Variants in BMP7 observed in about 807,000 individuals in gnomAD.
The protein encoded by BMP7 is osteogenic protein 1.
Under a neutral mutation model 41.2 loss-of-function variants are expected in BMP7, and 12 were observed. The observed-to-expected ratio is 0.29, with a 90% CI of 0.19 to 0.47. The LOEUF (loss-of-function observed/expected upper bound fraction) is 0.47. BMP7 is among the 20% of genes least tolerant of loss of function. The pLI is 0.99. For missense variants in BMP7, 467 were observed against 606.0 expected (o/e 0.77, Z 2.41); for synonymous variants, 248 against 250.0 (o/e 0.99, Z 0.07).
intron 1 of BMP7, among the ~76,000 whole-genome samples, chr20:57,234,074 T>TC (rs759907824): frequency 2.0e-5 from 3 of 152,050 alleles, no homozygotes; most frequent in African/African-American, 4.8e-5. Flanking sequence ...CTTGCCCATG[T>TC]CCCCCCACCC....
chr20:57,208,081 G>A (rs1382584708), intron 2 of BMP7, among the ~76,000 whole-genome samples: 1 of 151,468 alleles, frequency 6.6e-6, no homozygotes, highest in Admixed American at 6.6e-5. Context: ...CACCCGCCTC[G>A]GCCTCCCAAA....
Position 57,265,800 on chromosome 20 carries a change from T to C in BMP7, c.323A>G (p.Lys108Arg). 1 of 1,609,284 alleles carries C rather than the reference T, an allele frequency of 6.2e-7. No homozygotes were observed. The change falls in exon 1 of 7, where the codon AAG (lysine) becomes AGG (arginine). Residue 108 changes from lysine to arginine, a missense_variant. Around this residue, in one of 2 missense-constraint regions of BMP7, gnomAD observed 407 missense variants for 485.9 expected, o/e 0.84. Transcript: ENST00000395863. The part of the protein sequence containing the change: ...PGGQGFSYPY[K>R]AVFSTQGPPL... ...GGGGCCCTGGGTACTGAAGACGGCC[T>C]TGTAGGGGTAGGAGAAGCCCTGGCC...
intron 1 of BMP7, among the ~76,000 whole-genome samples, chr20:57,254,181 C>A (rs2066125217): frequency 6.6e-6 from 1 of 151,836 alleles, no homozygotes. Context: ...TACCACCACA[C>A]CCCACTAATT....
intron 3 of BMP7, among the ~76,000 whole-genome samples, chr20:57,199,148 C>T (rs888885885): frequency 6.6e-6 from 1 of 152,176 alleles, no homozygotes; most frequent in African/African-American, 2.4e-5. Context: ...CAGCTCGGGG[C>T]CAGGCACAAA....
chr20:57,222,528 C>T (rs1160002611), intron 2 of BMP7, among the ~76,000 whole-genome samples: 4 of 152,070 alleles, frequency 2.6e-5, no homozygotes, highest in Non-Finnish European at 5.9e-5. Context: ...CTGCCACTCC[C>T]TCTCAGGCAG....
Position 57,259,866 on chromosome 20 carries a change from C to A in BMP7, c.418+5839G>T, listed in dbSNP as rs900457376. Reference sequence around the variant, plus strand: ...TTGAGTTTGAGCAATTTTTTTTTTGCCGGGGAAGCTTAAATGAACTATCTG... The same window carrying A: ...TTGAGTTTGAGCAATTTTTTTTTTGACGGGGAAGCTTAAATGAACTATCTG... On this transcript the variant is annotated intron_variant, in intron 1 of 6. Transcript: ENST00000395863. This position sits in a 1 kb window ranked among gnomAD's most constrained non-coding sequence, Gnocchi z 4.7. 6.6e-6 allele frequency among the ~76,000 whole-genome samples: 1 copy of A among 151,710 alleles called. No homozygotes were observed. Among genetic ancestry groups the A allele is most frequent in the African/African-American group, 2.4e-5 (1 of 41,336 alleles).
At chr20:57,227,874 G>A (rs1413558918) in intron 2 of BMP7, among the ~76,000 whole-genome samples, 3 of 151,886 alleles carry the variant, frequency 2.0e-5, no homozygotes, top group African/African-American at 7.3e-5. Context: ...GCCTGACATC[G>A]TGCACTGGGT....
intron 2 of BMP7, among the ~76,000 whole-genome samples, chr20:57,219,357 T>C (rs1036210283): frequency 2.6e-5 from 4 of 151,234 alleles, no homozygotes; most frequent in Admixed American, 1.3e-4. Context: ...CACTTAAGTA[T>C]GTTCAACTTC....
chr20:57,211,091 C>T (rs932509561), intron 2 of BMP7, among the ~76,000 whole-genome samples: 1 of 152,256 alleles, frequency 6.6e-6, no homozygotes, highest in African/African-American at 2.4e-5. Context: ...AATCACCCGG[C>T]TGGTGGCCGG....
intron 1 of BMP7, among the ~76,000 whole-genome samples, chr20:57,256,845 G>A (rs565624966): frequency 4.0e-5 from 6 of 151,824 alleles, no homozygotes; most frequent in South Asian, 4.2e-4. Flanking sequence ...CCAAGATCGC[G>A]CCACTGCACT....
At chr20:57,257,960 A>C (rs186359983) in intron 1 of BMP7, among the ~76,000 whole-genome samples, 1 of 152,172 alleles carries the variant, frequency 6.6e-6, no homozygotes, top group Admixed American at 6.5e-5. Flanking sequence ...TCCAAGCTAC[A>C]TGAAAGCAGA....
chr20:57,211,364 G>A (rs8183829), intron 2 of BMP7, among the ~76,000 whole-genome samples: 7,145 of 152,260 alleles, frequency 0.047, 298 homozygotes, highest in East Asian at 0.2. Flanking sequence ...ATCTCCAGGA[G>A]CCCCACCCAA....
intron 2 of BMP7, among the ~76,000 whole-genome samples, chr20:57,222,828 AACTCCAGAG>A (rs556116830): frequency 0.11 from 13,674 of 123,466 alleles, 1,945 homozygotes; most frequent in African/African-American, 0.36. Context: ...AGCAGCAAGA[AACTCCAGAG>A]GCTTCTGGAA....
chr20:57,251,211 G>A (rs1226715259), intron 1 of BMP7, among the ~76,000 whole-genome samples: 2 of 152,146 alleles, frequency 1.3e-5, no homozygotes, highest in African/African-American at 4.8e-5. Context: ...CCCCACATGG[G>A]ATCTTCACAG....
rs778842133 is a variant in BMP7, at chr20:57,183,960, G to A, written c.761-41C>T. On this transcript the variant is annotated intron_variant, in intron 3 of 6. Coordinates refer to ENST00000395863, the MANE Select transcript of BMP7 (RefSeq NM_001719.3). ...CCAAGTGCACAGAAGAGTAGTTACA[G>A]GAGGGCCACGAGCGGGACAGGGCTG... is the stretch of plus-strand genomic sequence containing the variant. 3.1e-6 allele frequency: 5 copies of A among 1,604,088 alleles called. No homozygotes were observed. In the African/African-American group the frequency reaches 5.3e-5, roughly 17 times the overall value.
intron 2 of BMP7, among the ~76,000 whole-genome samples, chr20:57,220,247 A>G (rs146067825): frequency 6.6e-5 from 10 of 152,360 alleles, no homozygotes; most frequent in Admixed American, 1.3e-4. Context: ...CCTACTTCCA[A>G]TCTGAACTTG....
At chr20:57,200,364 GC>G (rs981790384) in intron 3 of BMP7, among the ~76,000 whole-genome samples, 1 of 152,220 alleles carries the variant, frequency 6.6e-6, no homozygotes, top group Non-Finnish European at 1.5e-5. Context: ...CCATCAGGCA[GC>G]ACTGCCTCCA....
intron 1 of BMP7, among the ~76,000 whole-genome samples, chr20:57,258,147 G>A (rs1034305130): frequency 6.6e-6 from 1 of 152,226 alleles, no homozygotes; most frequent in African/African-American, 2.4e-5. Flanking sequence ...TAGAACACGT[G>A]ACCTCAGAGA....
chr20:57,199,720 G>T (rs114287912), intron 3 of BMP7, among the ~76,000 whole-genome samples: 2,412 of 152,268 alleles, frequency 0.016, 72 homozygotes, highest in African/African-American at 0.056. Context: ...CCCCCAAGAG[G>T]TCCAAAACTC....
Sources: gnomAD v4.1 joint callset for allele counts (sites outside exome capture counted in the v4.1 genomes callset) on GRCh38, gnomAD v4.1.1 for gene constraint, gnomAD v4.1.1 regional missense constraint, Gnocchi (gnomAD v3.1) non-coding constraint, MANE v1.5 for transcripts, NCBI Gene and HGNC (gene_info 2026-07-23, HGNC 2026-07-21) for gene names.